PNPLA1: variants seen among roughly 807,000 people sequenced by gnomAD.
PNPLA1 encodes the protein patatin like domain 1, omega-hydroxyceramide transacylase.
In PNPLA1, 36 loss-of-function variants were observed where a neutral mutation model predicts 51.7. The ratio of observed to expected loss-of-function variants is 0.70; its 90% CI spans 0.53 to 0.92. PNPLA1 has a LOEUF of 0.92. PNPLA1 is among the 40% of genes least tolerant of loss of function. The pLI, the probability that PNPLA1 is intolerant of heterozygous loss-of-function variation, is 0.00. For missense variants in PNPLA1, 658 were observed against 682.5 expected (o/e 0.96, Z 0.40); for synonymous variants, 293 against 280.1 (o/e 1.05, Z -0.46).
chr6:36,278,097 C>T (rs1770167994), intron 1 of PNPLA1, among the ~76,000 whole-genome samples: 1 of 152,218 alleles, frequency 6.6e-6, no homozygotes, highest in South Asian at 2.1e-4. Context: ...TTTTACCCCA[C>T]TCCATCTCTC....
chr6:36,273,728 CAA>C (rs57186870), intron 1 of PNPLA1, among the ~76,000 whole-genome samples: 260 of 48,216 alleles, frequency 5.4e-3, no homozygotes, highest in South Asian at 8.9e-3. Flanking sequence ...GACCCCATCG[CAA>C]AAAAAAAAAA....
chr6:36,253,998 G>C (rs1769477119), intron 1 of PNPLA1, among the ~76,000 whole-genome samples: 1 of 151,926 alleles, frequency 6.6e-6, no homozygotes, highest in South Asian at 2.1e-4. Context: ...GAGGTCATAT[G>C]GTCTGACTAC....
At chr6:36,252,813 G>C (rs963065642) in intron 1 of PNPLA1, among the ~76,000 whole-genome samples, 4 of 152,220 alleles carry the variant, frequency 2.6e-5, no homozygotes, top group Non-Finnish European at 5.9e-5. Flanking sequence ...GTTACAGCTA[G>C]CACTTCACAA....
intron 5 of PNPLA1, among the ~76,000 whole-genome samples, chr6:36,300,257 C>G (rs1042785208): frequency 6.6e-6 from 1 of 150,922 alleles, no homozygotes; most frequent in Admixed American, 6.6e-5. Context: ...TGCAGTGGTG[C>G]AATCTTGGCT....
chr6:36,291,536 A>G lies in PNPLA1; in HGVS notation c.422A>G (p.Lys141Arg), dbSNP rs1770682492. ...ENVVVSEFTSKEELIEALYCS... is the reference protein window; with the variant it reads ...ENVVVSEFTSREELIEALYCS... Reference sequence around the variant, plus strand: ...GTGGTGGTTTCAGAGTTCACGTCCAAGGAGGAGCTCATTGAGGCAAGGGGG... The same window carrying G: ...GTGGTGGTTTCAGAGTTCACGTCCAGGGAGGAGCTCATTGAGGCAAGGGGG... Residue 141 changes from lysine to arginine, a missense_variant, in exon 2 of 9, where the codon AAG becomes AGG. Lys to Arg is a conservative substitution (Grantham distance 26). Coordinates refer to ENST00000636260, the MANE Select transcript of PNPLA1 (RefSeq NM_001374623.1). 7.6e-7 allele frequency: 1 copy of G among 1,312,488 alleles called. No homozygotes were observed. The highest frequency in any genetic ancestry group is 1.0e-6 in the Non-Finnish European group (1 of 1,003,150). 81.3% of individuals were successfully genotyped at this position (1,312,488 alleles called of 1,614,324 possible). A position where few individuals can be genotyped will look rare whatever the true frequency, so the allele number is the denominator to read the frequency against.
At chr6:36,251,365 T>C (rs1469840162) in intron 1 of PNPLA1, among the ~76,000 whole-genome samples, 1 of 152,174 alleles carries the variant, frequency 6.6e-6, no homozygotes, top group Non-Finnish European at 1.5e-5. Flanking sequence ...AATAGATGCT[T>C]AATAAATATG....
rs766064724 is a variant in PNPLA1, at chr6:36,291,926, C to T, written c.438+374C>T. On this transcript the variant is annotated intron_variant, in intron 2 of 8. Coordinates refer to ENST00000636260, the MANE Select transcript of PNPLA1 (RefSeq NM_001374623.1). ...CAGAATTACTCCCACTTTGTGGGAA[C>T]GGTCAGGGGAGAGGGGCCCCCATGT... 4.6e-5 allele frequency among the ~76,000 whole-genome samples: 7 copies of T among 152,178 alleles called. No individual in the cohort carries two copies. In the East Asian group the frequency reaches 7.7e-4, roughly 17 times the overall value.
chr6:36,300,178 T>TGTGTGTGTGAGAGAGAGAGAGAGA lies in PNPLA1; in HGVS notation c.776-1682_776-1681insTGTGTGTGAGAGAGAGAGAGAGAG. On this transcript the variant is annotated intron_variant, in intron 5 of 8. Transcript: ENST00000636260. Reference sequence around the variant, plus strand: ...TCTTATTCTTGTGTGTGTGTGTGTGTGAGAGAGAGAGAGAGAGAGAGAGAG... The same window carrying TGTGTGTGTGAGAGAGAGAGAGAGA: ...TCTTATTCTTGTGTGTGTGTGTGTGTGTGTGTGTGAGAGAGAGAGAGAGAGAGAGAGAGAGAGAGAGAGAGAGAG... Among the ~76,000 whole-genome samples the TGTGTGTGTGAGAGAGAGAGAGAGA allele has an allele frequency of 9.6e-4, 94 of 98,104 alleles. 2 individuals carry two copies. Among genetic ancestry groups the TGTGTGTGTGAGAGAGAGAGAGAGA allele is most frequent in the Non-Finnish European group, 1.5e-3 (66 of 44,320 alleles). 64.4% of individuals were successfully genotyped at this position (98,104 alleles called of 152,430 possible). A position where few individuals can be genotyped will look rare whatever the true frequency, so the allele number is the denominator to read the frequency against.
intron 1 of PNPLA1, among the ~76,000 whole-genome samples, chr6:36,278,046 C>G (rs1214188962): frequency 6.6e-6 from 1 of 152,198 alleles, no homozygotes; most frequent in African/African-American, 2.4e-5. Context: ...ACCCTCTGCC[C>G]CCCTTTCAGA....
upstream of PNPLA1, among the ~76,000 whole-genome samples, chr6:36,266,834 C>T (rs75337137): frequency 0.033 from 5,098 of 152,244 alleles, 125 homozygotes; most frequent in Middle Eastern, 0.14. Flanking sequence ...AGAATAATCA[C>T]GGGTGATGTT....
At chr6:36,259,803 G>A (rs976469011) in intron 1 of PNPLA1, among the ~76,000 whole-genome samples, 1 of 152,084 alleles carries the variant, frequency 6.6e-6, no homozygotes, top group African/African-American at 2.4e-5. Context: ...AGCACATAAA[G>A]ATGCAACAGT....
At chr6:36,301,667 G>A (rs543083177) in intron 5 of PNPLA1, among the ~76,000 whole-genome samples, 194 bp from the exon 6 acceptor site, 5 of 152,228 alleles carry the variant, frequency 3.3e-5, no homozygotes, top group South Asian at 2.1e-4. Flanking sequence ...GGTGGGCAAC[G>A]CCTGCTTCCC....
chr6:36,288,613 C>T (rs919536634), intron 1 of PNPLA1, among the ~76,000 whole-genome samples: 3 of 151,322 alleles, frequency 2.0e-5, no homozygotes, highest in African/African-American at 4.9e-5. Flanking sequence ...CCACCGCGCC[C>T]GGCTAATTTT....
Position 36,291,387 on chromosome 6 carries a change from C to A in PNPLA1, c.273C>A (p.Ser91=). 6.2e-7 allele frequency: 1 copy of A among 1,614,104 alleles called. No individual in the cohort carries two copies. Among genetic ancestry groups the A allele is most frequent in the African/African-American group, 1.3e-5 (1 of 75,010 alleles). ...AGAAATCCTTCCTGGGGCCCTTGTCCCCGTCCTGTAAGATGGTGCAGATGA... is the reference window on the plus strand; with the variant it reads ...AGAAATCCTTCCTGGGGCCCTTGTCACCGTCCTGTAAGATGGTGCAGATGA... ...EVKKSFLGPL[S]PSCKMVQMMR... The change falls in exon 2 of 9, where the codon TCC becomes TCA. Residue 91 remains serine (S), a synonymous_variant. Coordinates refer to ENST00000636260, the MANE Select transcript of PNPLA1 (RefSeq NM_001374623.1).
chr6:36,291,592 C>CAGGGGGGGGGGG, intron 2 of PNPLA1, 40 bp downstream of exon 2: 1 of 105,200 alleles, frequency 9.5e-6, no homozygotes, highest in Non-Finnish European at 1.9e-5. Flanking sequence ...ACGGAGGGGG[C>CAGGGGGGGGGGG]GGGGGAGGGC....
intron 1 of PNPLA1, among the ~76,000 whole-genome samples, chr6:36,259,576 C>T (rs1769601769): frequency 6.6e-6 from 1 of 151,340 alleles, no homozygotes; most frequent in African/African-American, 2.4e-5. Context: ...GATCCAACAT[C>T]GATTTAGTAA....
intron 1 of PNPLA1, among the ~76,000 whole-genome samples, chr6:36,275,375 C>T (rs1255496147): frequency 6.6e-6 from 1 of 152,228 alleles, no homozygotes; most frequent in East Asian, 1.9e-4. Context: ...ACCAGTGCGC[C>T]TGGCCATCCT....
intron 1 of PNPLA1, among the ~76,000 whole-genome samples, chr6:36,243,548 G>A (rs35636081): frequency 5.5e-4 from 83 of 152,286 alleles, no homozygotes; most frequent in Middle Eastern, 6.8e-3. Flanking sequence ...ATTCAGATGC[G>A]CACTTGTGTT....
rs1224490943 is a variant in PNPLA1 at position 36,312,522 on chromosome 6, A to G, written c.*636A>G. On this transcript the variant is annotated 3_prime_UTR_variant, in exon 9 of 9. Coordinates refer to ENST00000636260, the MANE Select transcript of PNPLA1 (RefSeq NM_001374623.1). Reference sequence around the variant, plus strand: ...TGTAAGGGTGATCCCCGGTGGAACTAAGGTTAGGGAAGTCCTAGATGGGGG... The same window carrying G: ...TGTAAGGGTGATCCCCGGTGGAACTGAGGTTAGGGAAGTCCTAGATGGGGG... Among the ~76,000 whole-genome samples the G allele has an allele frequency of 1.3e-5, 2 of 152,082 alleles. No individual in the cohort carries two copies. Among genetic ancestry groups the G allele is most frequent in the Admixed American group, 1.3e-4 (2 of 15,266 alleles).
Sources: gnomAD v4.1 joint callset for allele counts (sites outside exome capture counted in the v4.1 genomes callset) on GRCh38, gnomAD v4.1.1 for gene constraint, MANE v1.5 for transcripts, NCBI Gene and HGNC (gene_info 2026-07-23, HGNC 2026-07-21) for gene names.